The following CFAP299 variants were observed in gnomAD, a reference collection of about 807,000 sequenced individuals.
CFAP299 encodes the protein cilia and flagella associated protein 299, also known as cilia- and flagella-associated protein 299.
In CFAP299, 21 loss-of-function variants were observed where a neutral mutation model predicts 27.0. That is an observed-to-expected ratio of 0.78 (90% CI 0.55 to 1.12). The LOEUF (loss-of-function observed/expected upper bound fraction) is 1.12. Ranked by LOEUF, CFAP299 falls within the 50% of genes most tolerant of loss-of-function variation. The pLI is 0.00. For synonymous variants in CFAP299, 104 were observed against 98.1 expected (o/e 1.06, Z -0.36); for missense variants, 310 against 276.6 (o/e 1.12, Z -0.86).
Position 80,805,740 on chromosome 4 carries a change from G to T in CFAP299, c.334-64253G>T, listed in dbSNP as rs145152848. ...ATAAAAATAAATAACTGGGCTTGGT[G>T]GTACATACCTGTAGCTCCAGCAGCT... is the stretch of plus-strand genomic sequence containing the variant. On this transcript the variant is annotated intron_variant, in intron 3 of 5. Transcript: ENST00000358105. 5.0e-3 allele frequency among the ~76,000 whole-genome samples: 767 copies of T among 152,156 alleles called. 3 individuals carry two copies. The highest frequency in any genetic ancestry group is 0.018 in the African/African-American group (729 of 41,540).
chr4:80,960,760 G>A (rs60636078), intron 5 of CFAP299, among the ~76,000 whole-genome samples: 363 of 151,914 alleles, frequency 2.4e-3, no homozygotes, highest in African/African-American at 8.3e-3. Context: ...ACTAGGGGCT[G>A]ATAATTAAGA....
At chr4:80,391,914 G>A (rs748063781) in intron 2 of CFAP299, among the ~76,000 whole-genome samples, 3 of 152,214 alleles carry the variant, frequency 2.0e-5, no homozygotes, top group Non-Finnish European at 4.4e-5. Flanking sequence ...CAGCGGTGGA[G>A]CTGCCCAAGT....
At chr4:80,326,239 GGT>G in the CFAP299 span, among the ~76,000 whole-genome samples, 1 of 152,062 alleles carries the variant, frequency 6.6e-6, no homozygotes, top group East Asian at 1.9e-4. Context: ...ATGGGATTGT[GGT>G]GTGTGTGTGC....
At chr4:80,322,419 G>A in the CFAP299 span, among the ~76,000 whole-genome samples, 554 of 152,186 alleles carry the variant, frequency 3.6e-3, 3 homozygotes, top group Non-Finnish European at 6.3e-3. Flanking sequence ...TGTCTTCTTG[G>A]ATTTTTCTCA....
At chr4:80,947,491 T>C (rs555496221) in intron 5 of CFAP299, among the ~76,000 whole-genome samples, 2 of 152,218 alleles carry the variant, frequency 1.3e-5, no homozygotes, top group African/African-American at 2.4e-5. Flanking sequence ...AACTAGAAGA[T>C]AGAGAGTTGT....
At chr4:80,784,096 TC>T (rs1170674231) in intron 3 of CFAP299, among the ~76,000 whole-genome samples, 2 of 152,192 alleles carry the variant, frequency 1.3e-5, no homozygotes, top group African/African-American at 2.4e-5. Context: ...TAAATAATAT[TC>T]CATTTGTGTG....
intron 2 of CFAP299, among the ~76,000 whole-genome samples, chr4:80,380,194 A>G (rs1442940719): frequency 6.6e-6 from 1 of 152,100 alleles, no homozygotes; most frequent in Non-Finnish European, 1.5e-5. Flanking sequence ...ATATTTATAT[A>G]GACACTCAAG....
At chr4:80,669,954 A>G (rs1247332781) in intron 3 of CFAP299, among the ~76,000 whole-genome samples, 1 of 151,634 alleles carries the variant, frequency 6.6e-6, no homozygotes, top group African/African-American at 2.4e-5. Flanking sequence ...TAAAAAAAAA[A>G]CCCGTAGTGC....
intron 3 of CFAP299, among the ~76,000 whole-genome samples, chr4:80,622,035 G>A (rs1258191902): frequency 6.6e-6 from 1 of 152,156 alleles, no homozygotes. Flanking sequence ...AGTTAAACAA[G>A]TTGAGATTAT....
chr4:80,633,690 A>G (rs1413256456), intron 3 of CFAP299, among the ~76,000 whole-genome samples: 2 of 152,204 alleles, frequency 1.3e-5, no homozygotes, highest in Non-Finnish European at 2.9e-5. Flanking sequence ...TTTTATTTGC[A>G]TCTAATTAAG....
the CFAP299 span, among the ~76,000 whole-genome samples, chr4:80,325,230 T>G: frequency 6.6e-6 from 1 of 152,254 alleles, no homozygotes; most frequent in Admixed American, 6.5e-5. Flanking sequence ...TTGTGTTGTG[T>G]CTATTAAATA....
intron 4 of CFAP299, among the ~76,000 whole-genome samples, chr4:80,920,556 GTATA>G (rs752871305): frequency 7.2e-5 from 11 of 152,198 alleles, no homozygotes; most frequent in Non-Finnish European, 1.2e-4. Context: ...TTCTCTTCAT[GTATA>G]TTGCTTTTAG....
intron 3 of CFAP299, among the ~76,000 whole-genome samples, chr4:80,777,438 G>A (rs551120797): frequency 3.3e-5 from 5 of 152,126 alleles, no homozygotes; most frequent in Non-Finnish European, 7.4e-5. Flanking sequence ...TTCAGGCTAG[G>A]CTAGGTTCCC....
intron 2 of CFAP299, among the ~76,000 whole-genome samples, chr4:80,520,808 A>C (rs1265100285): frequency 6.6e-6 from 1 of 152,204 alleles, no homozygotes; most frequent in Admixed American, 6.5e-5. Flanking sequence ...TGGCCTTTTA[A>C]AATTATAAGT....
chr4:80,584,840 CTGCT>C (rs1251233619), intron 3 of CFAP299, among the ~76,000 whole-genome samples: 3 of 151,942 alleles, frequency 2.0e-5, no homozygotes, highest in Non-Finnish European at 4.4e-5. Context: ...ATCGTACTAA[CTGCT>C]TGGGATACAA....
intron 5 of CFAP299, among the ~76,000 whole-genome samples, chr4:80,953,343 A>C (rs1414301965): frequency 1.3e-5 from 2 of 152,142 alleles, no homozygotes; most frequent in Admixed American, 1.3e-4. Flanking sequence ...TCGTTTTGCT[A>C]CCCAAATTAC....
intron 4 of CFAP299, among the ~76,000 whole-genome samples, chr4:80,917,380 A>G (rs747217298): frequency 6.6e-6 from 1 of 152,202 alleles, no homozygotes; most frequent in Non-Finnish European, 1.5e-5. Context: ...TGTCACTCTT[A>G]CATTACTAAA....
At chr4:80,364,088 A>AC (rs1231878158) in intron 2 of CFAP299, among the ~76,000 whole-genome samples, 3 of 145,996 alleles carry the variant, frequency 2.1e-5, no homozygotes, top group African/African-American at 5.0e-5. Flanking sequence ...CTCCGTCTCA[A>AC]AACACACACA....
chr4:80,931,721 C>T (rs1286604746), intron 4 of CFAP299, among the ~76,000 whole-genome samples: 1 of 144,546 alleles, frequency 6.9e-6, no homozygotes, highest in Non-Finnish European at 1.5e-5. Flanking sequence ...AACATGCACG[C>T]ACACACACAC....
Sources: allele counts gnomAD v4.1 joint callset (sites outside exome capture counted in the v4.1 genomes callset), GRCh38; gene constraint gnomAD v4.1.1; transcripts MANE v1.5; gene names NCBI Gene and HGNC (gene_info 2026-07-23, HGNC 2026-07-21).